Variants in PTGR3 observed in about 807,000 individuals in gnomAD.
PTGR3 encodes prostaglandin reductase 3, also known as zinc binding alcohol dehydrogenase domain containing 2.
chr18:75,205,572 A>C, the PTGR3 span: 3 of 814,914 alleles, frequency 3.7e-6, no homozygotes, highest in Admixed American at 1.9e-4. Flanking sequence ...CCCCCTCGTC[A>C]TGTTTACTGA....
the PTGR3 span, among the ~76,000 whole-genome samples, chr18:75,205,753 G>C: frequency 1.6e-5 from 2 of 125,184 alleles, no homozygotes; most frequent in African/African-American, 5.8e-5. Context: ...AAAAGAAAAA[G>C]AAAGAAAGAA....
At chr18:75,208,875 C>T in the PTGR3 span, 6 of 1,536,528 alleles carry the variant, frequency 3.9e-6, no homozygotes, top group Admixed American at 2.0e-5. Context: ...AGGTCTCCGT[C>T]CCCGGGGAGC....
the PTGR3 span, chr18:75,196,557 G>A: frequency 6.7e-6 from 1 of 148,660 alleles, no homozygotes; most frequent in African/African-American, 2.5e-5. Context: ...GCTTGAACCA[G>A]GGAGGTTGAG....
chr18:75,200,757 T>A, the PTGR3 span: 3 of 152,210 alleles, frequency 2.0e-5, no homozygotes, highest in African/African-American at 7.2e-5. Flanking sequence ...AGAGAACATT[T>A]CCATTTCACA....
At chr18:75,197,065 C>G in the PTGR3 span, 1 of 151,390 alleles carries the variant, frequency 6.6e-6, no homozygotes, top group Non-Finnish European at 1.5e-5. Flanking sequence ...TGCCAACATT[C>G]CATAGTTTGT....
the PTGR3 span, among the ~76,000 whole-genome samples, chr18:75,206,843 G>A: frequency 6.6e-6 from 1 of 152,198 alleles, no homozygotes; most frequent in Non-Finnish European, 1.5e-5. Flanking sequence ...CCAAACATGG[G>A]AGTCTGCACT....
the PTGR3 span, among the ~76,000 whole-genome samples, chr18:75,203,137 T>C: frequency 6.6e-6 from 1 of 152,208 alleles, no homozygotes; most frequent in Non-Finnish European, 1.5e-5. Flanking sequence ...AGCAGAGACA[T>C]AACTTGATTA....
At chr18:75,204,017 C>T in the PTGR3 span, among the ~76,000 whole-genome samples, 1 of 152,180 alleles carries the variant, frequency 6.6e-6, no homozygotes, top group African/African-American at 2.4e-5. Context: ...GGACAGGAGC[C>T]GACCCACTGC....
At chr18:75,195,217 G>C in the PTGR3 span, 1 of 152,156 alleles carries the variant, frequency 6.6e-6, no homozygotes, top group Non-Finnish European at 1.5e-5. Flanking sequence ...TTCCATTGAG[G>C]CTAATTTGTT....
chr18:75,208,724 G>A, the PTGR3 span: 2 of 999,914 alleles, frequency 2.0e-6, no homozygotes, highest in Non-Finnish European at 2.6e-6. Flanking sequence ...CGCAAACTCA[G>A]GCTGTGCGCC....
the PTGR3 span, among the ~76,000 whole-genome samples, chr18:75,204,330 G>T: frequency 2.0e-5 from 3 of 152,256 alleles, no homozygotes; most frequent in Non-Finnish European, 4.4e-5. Context: ...GACGCACACC[G>T]GAGCAGCCTG....
the PTGR3 span, among the ~76,000 whole-genome samples, chr18:75,203,478 T>C: frequency 6.6e-6 from 1 of 152,216 alleles, no homozygotes; most frequent in Non-Finnish European, 1.5e-5. Context: ...CACGGTGATA[T>C]AGGTAATACT....
At chr18:75,199,585 C>G in the PTGR3 span, 1 of 152,398 alleles carries the variant, frequency 6.6e-6, no homozygotes, top group Admixed American at 6.5e-5. Flanking sequence ...GAGGCAAAGT[C>G]TCTTTCCGTG....
the PTGR3 span, chr18:75,201,192 T>G: frequency 1.9e-6 from 1 of 535,798 alleles, no homozygotes. Flanking sequence ...AATGTAAGCG[T>G]TTTCCCTCTT....
chr18:75,195,535 T>C, the PTGR3 span: 1 of 152,190 alleles, frequency 6.6e-6, no homozygotes, highest in African/African-American at 2.4e-5. Context: ...CCGGGCACCT[T>C]TTCTCTCTGG....
At chr18:75,208,243 G>T in the PTGR3 span, 1 of 883,106 alleles carries the variant, frequency 1.1e-6, no homozygotes, top group African/African-American at 1.8e-5. Flanking sequence ...CGCGGCGGTC[G>T]TTAACACTCA....
chr18:75,205,196 T>G, the PTGR3 span: 3 of 985,494 alleles, frequency 3.0e-6, no homozygotes, highest in Non-Finnish European at 3.6e-6. Context: ...TCCTTACCTC[T>G]GCGTGAGGGT....
the PTGR3 span, chr18:75,208,552 A>G: frequency 2.1e-6 from 2 of 951,094 alleles, no homozygotes; most frequent in Non-Finnish European, 1.3e-6. Context: ...TTATTTCGGG[A>G]GCGGGAGGGG....
At chr18:75,205,241 G>C in the PTGR3 span, 44 of 985,530 alleles carry the variant, frequency 4.5e-5, no homozygotes, top group Non-Finnish European at 5.1e-5. Context: ...CCAGAAACAA[G>C]TTCAAGCGCA....
Sources: allele counts gnomAD v4.1 joint callset (sites outside exome capture counted in the v4.1 genomes callset), GRCh38; gene constraint gnomAD v4.1.1; transcripts MANE v1.5; gene names NCBI Gene and HGNC (gene_info 2026-07-23, HGNC 2026-07-21).